Variants in FAT1 observed in about 807,000 individuals in gnomAD.
The protein encoded by FAT1 is protocadherin Fat 1.
Under a neutral mutation model 329.8 loss-of-function variants are expected in FAT1, and 171 were observed. The ratio of observed to expected loss-of-function variants is 0.52; its 90% CI spans 0.46 to 0.59. The LOEUF (loss-of-function observed/expected upper bound fraction) is 0.59. Ranked by LOEUF, FAT1 falls within the 20% of genes least tolerant of loss-of-function variation. FAT1 has a pLI of 0.00. For missense variants in FAT1, 5,672 were observed against 5,774.4 expected (o/e 0.98, Z 0.57); for synonymous variants, 2,233 against 2,228.6 (o/e 1.00, Z -0.06).
At chr4:186,645,732 G>A (rs1741341819) in intron 3 of FAT1, among the ~76,000 whole-genome samples, 1 of 151,622 alleles carries the variant, frequency 6.6e-6, no homozygotes, top group South Asian at 2.1e-4. Context: ...AATCACTTGA[G>A]GCTAGGAGTT....
chr4:186,717,569 T>C (rs1291390285), intron 1 of FAT1, among the ~76,000 whole-genome samples: 1 of 152,238 alleles, frequency 6.6e-6, no homozygotes, highest in Non-Finnish European at 1.5e-5. Context: ...AACTTCACCA[T>C]GTACATGATT....
chr4:186,598,114 T>G lies in FAT1; in HGVS notation c.12115A>C (p.Lys4039Gln), dbSNP rs1377911491. 1 of 1,606,712 alleles carries G rather than the reference T, an allele frequency of 6.2e-7. No individual in the cohort carries two copies. Among genetic ancestry groups the G allele is most frequent in the Non-Finnish European group, 8.5e-7 (1 of 1,178,126 alleles). ...NPSPAGGYYC[K>Q]CSALYIGTHC... ...GTCCCTATGTACAAGGCACTGCATTTGCAGTAATAACCTAAATCGGCAAAA... is the reference window on the plus strand; with the variant it reads ...GTCCCTATGTACAAGGCACTGCATTGGCAGTAATAACCTAAATCGGCAAAA... Residue 4039 changes from lysine to glutamine, a missense_variant, in exon 23 of 27, where the codon AAA becomes CAA. Physicochemically the swap from Lys to Gln is moderately conservative, Grantham distance 53. Around this residue, in one of 2 missense-constraint regions of FAT1, gnomAD observed 1,706 missense variants for 1,859.1 expected, o/e 0.92. Transcript: ENST00000441802.
Position 186,596,118 on chromosome 4 carries a change from G to GT in FAT1, c.13001-293dup, listed in dbSNP as rs113437979. On this transcript the variant is annotated intron_variant, in intron 25 of 26. Transcript: ENST00000441802. This position sits in a 1 kb window ranked among gnomAD's most constrained non-coding sequence, Gnocchi z 4.7. Reference sequence around the variant, plus strand: ...GCTGCTAAAATTTTGTTTTAAAATAGTATGTACAGCTTTAAAAGAAAAAAG... The same window carrying GT: ...GCTGCTAAAATTTTGTTTTAAAATAGTTATGTACAGCTTTAAAAGAAAAAAG... Among the ~76,000 whole-genome samples, 53 of 151,356 alleles carry GT rather than the reference G, an allele frequency of 3.5e-4. No individual in the cohort carries two copies. Among genetic ancestry groups the GT allele is most frequent in the African/African-American group, 7.4e-4 (30 of 40,730 alleles).
At chr4:186,677,791 G>T (rs1743025051) in intron 2 of FAT1, among the ~76,000 whole-genome samples, 1 of 152,042 alleles carries the variant, frequency 6.6e-6, no homozygotes, top group South Asian at 2.1e-4. Flanking sequence ...TAAAACAGGA[G>T]GAAAACGGAT....
In FAT1 at chr4:186,642,489, C is replaced by G. The variant is rs112177326; in HGVS notation, c.3581-2706G>C. Among the ~76,000 whole-genome samples the G allele has an allele frequency of 8.0e-3, 1,216 of 152,282 alleles. 16 individuals are homozygous for G. The highest frequency in any genetic ancestry group is 0.027 in the African/African-American group (1,111 of 41,542). On this transcript the variant is annotated intron_variant, in intron 3 of 26. Transcript: ENST00000441802. The stretch of plus-strand genomic sequence containing the variant: ...TGAATTTCTTAAAACTATGAATGAG[C>G]AGAATTAAAAATATGTGCTAGAGTG...
At chr4:186,653,170 A>G (rs1187205685) in intron 3 of FAT1, among the ~76,000 whole-genome samples, 1 of 152,236 alleles carries the variant, frequency 6.6e-6, no homozygotes, top group Non-Finnish European at 1.5e-5. Context: ...GTATACTTAG[A>G]GCCAACTGTT....
intron 3 of FAT1, among the ~76,000 whole-genome samples, chr4:186,649,595 A>G (rs1315863609): frequency 2.0e-5 from 3 of 152,172 alleles, no homozygotes; most frequent in African/African-American, 7.2e-5. Flanking sequence ...ACAGATGCAG[A>G]GACTGGAGTG....
rs2126412589 is a variant in FAT1, at chr4:186,600,148, A to T, written c.11853T>A (p.Phe3951Leu). The change falls in exon 22 of 27, where the codon TTT becomes TTA. Residue 3951 changes from phenylalanine to leucine, a missense_variant. Phe to Leu is a conservative substitution (Grantham distance 22). Transcript: ENST00000441802. ...CCTGCTGACGGATGTGGCCACCAAA[A>T]AACACATAGTTATCCAGGTTCAGGG... ...LKTLNLDNYV[F>L]FGGHIRQQGT... The T allele has an allele frequency of 6.2e-7, 1 of 1,614,048 alleles. No homozygotes were observed. Among genetic ancestry groups the T allele is most frequent in the East Asian group, 2.2e-5 (1 of 44,882 alleles).
intron 2 of FAT1, among the ~76,000 whole-genome samples, chr4:186,692,911 C>T (rs1208607220): frequency 1.3e-5 from 2 of 152,156 alleles, no homozygotes; most frequent in African/African-American, 2.4e-5. Context: ...TCCATCTCTC[C>T]GCCTTTCACT....
intron 18 of FAT1, among the ~76,000 whole-genome samples, 178 bp downstream of exon 18, chr4:186,604,199 T>C (rs866690234): frequency 2.6e-5 from 4 of 152,272 alleles, no homozygotes; most frequent in African/African-American, 4.8e-5. Flanking sequence ...GAATCAACAA[T>C]GAGCTCCTTC....
intron 3 of FAT1, among the ~76,000 whole-genome samples, chr4:186,643,733 T>C (rs1019126158): frequency 5.3e-5 from 8 of 151,774 alleles, no homozygotes; most frequent in African/African-American, 1.9e-4. Context: ...ATCTACCGAG[T>C]GTGTTCTGTG....
chr4:186,671,086 G>T (rs1370296480), intron 2 of FAT1, among the ~76,000 whole-genome samples: 1 of 152,034 alleles, frequency 6.6e-6, no homozygotes, highest in African/African-American at 2.4e-5. Context: ...TTGTCTATGA[G>T]AGCTCATAAT....
At chr4:186,667,888 C>T (rs1484961087) in intron 2 of FAT1, among the ~76,000 whole-genome samples, 2 of 152,188 alleles carry the variant, frequency 1.3e-5, no homozygotes, top group Non-Finnish European at 2.9e-5. Flanking sequence ...CTCCAGGCCT[C>T]AGGGTCTTCT....
Position 186,620,561 on chromosome 4 carries a change from T to C in FAT1, c.6025A>G (p.Asn2009Asp). The change falls in exon 10 of 27, where the codon AAT (asparagine) becomes GAT (aspartate). Residue 2009 changes from asparagine (N) to aspartate (D), a missense_variant. Physicochemically the swap from Asn to Asp is conservative, Grantham distance 23. Transcript: ENST00000441802. ...AGGATGTGATAAAACAAAGGCTCAT[T>C]GATTGGATTCCCAATAGCAGTAATG... ...AVITAIGNPI[N>D]EPLFYHILNP... is the part of the protein sequence containing the mutation. The C allele has an allele frequency of 6.2e-7, 1 of 1,614,032 alleles. No homozygotes were observed. The highest frequency in any genetic ancestry group is 2.2e-5 in the East Asian group (1 of 44,888).
intron 3 of FAT1, among the ~76,000 whole-genome samples, chr4:186,661,784 G>T (rs1413446787): frequency 2.6e-5 from 4 of 152,328 alleles, no homozygotes; most frequent in African/African-American, 9.6e-5. Context: ...TGGGTCAGGA[G>T]TTTCGGAGGC....
intron 7 of FAT1, among the ~76,000 whole-genome samples, chr4:186,629,641 G>C (rs1429299712): frequency 1.3e-5 from 2 of 152,208 alleles, no homozygotes; most frequent in Non-Finnish European, 2.9e-5. Flanking sequence ...AGCAGCACAG[G>C]GGGCCAGGGT....
In FAT1 at chr4:186,618,418, T is replaced by A. The variant is rs2126494934; in HGVS notation, c.8168A>T (p.Asp2723Val). Reference sequence around the variant, plus strand: ...CCCACTATGTTCTGCTCGGATGAGATCTATCTCTGTTCCAATAGGCACGTC... The same window carrying A: ...CCCACTATGTTCTGCTCGGATGAGAACTATCTCTGTTCCAATAGGCACGTC... Reference protein sequence around the residue: ...SEDVPIGTEIDLIRAEHSGTV... With the variant: ...SEDVPIGTEIVLIRAEHSGTV... Residue 2723 changes from aspartate to valine, a missense_variant, in exon 10 of 27, where the codon GAT becomes GTT. Physicochemically the swap from Asp to Val is radical, Grantham distance 152 (BLOSUM62 -3). Around this residue, in one of 2 missense-constraint regions of FAT1, gnomAD observed 3,966 missense variants for 3,915.2 expected, o/e 1.01. Coordinates refer to ENST00000441802, the MANE Select transcript of FAT1 (RefSeq NM_005245.4). 1.9e-6 allele frequency: 3 copies of A among 1,614,062 alleles called. No individual in the cohort carries two copies. The highest frequency in any genetic ancestry group is 2.5e-6 in the Non-Finnish European group (3 of 1,179,900).
At chr4:186,720,420 G>A (rs1745415089) in intron 1 of FAT1, among the ~76,000 whole-genome samples, 2 of 152,068 alleles carry the variant, frequency 1.3e-5, no homozygotes, top group African/African-American at 4.8e-5. Context: ...AGATAACATG[G>A]TACGGTGAGG....
chr4:186,588,514 C>CT lies in FAT1; in HGVS notation c.*77dup. Reference sequence around the variant, plus strand: ...GCTCACCAAAAAAAGCTTGGAAGCACTGCTGCAAAGAACAGCGCGGATTAC... The same window carrying CT: ...GCTCACCAAAAAAAGCTTGGAAGCACTTGCTGCAAAGAACAGCGCGGATTAC... On this transcript the variant is annotated 3_prime_UTR_variant, in exon 27 of 27. Transcript: ENST00000441802. 2 of 1,501,666 alleles carry CT rather than the reference C, an allele frequency of 1.3e-6. No individual in the cohort carries two copies. The highest frequency in any genetic ancestry group is 1.8e-6 in the Non-Finnish European group (2 of 1,127,976). 93.0% of individuals were successfully genotyped at this position (1,501,666 alleles called of 1,614,324 possible). A position where few individuals can be genotyped will look rare whatever the true frequency, so the allele number is the denominator to read the frequency against.
Sources: gnomAD v4.1 joint callset for allele counts (sites outside exome capture counted in the v4.1 genomes callset) on GRCh38, gnomAD v4.1.1 for gene constraint, gnomAD v4.1.1 regional missense constraint, Gnocchi (gnomAD v3.1) non-coding constraint, MANE v1.5 for transcripts, NCBI Gene and HGNC (gene_info 2026-07-23, HGNC 2026-07-21) for gene names.